Variants in CLCA1 observed in about 807,000 individuals in gnomAD.
CLCA1 encodes chloride channel accessory 1.
CLCA1 carries 59 observed loss-of-function variants against 85.6 expected under a neutral mutation model. The ratio of observed to expected loss-of-function variants is 0.69; its 90% CI spans 0.56 to 0.86. The LOEUF is 0.86. CLCA1 is among the 40% of genes least tolerant of loss of function. The pLI is 0.00. For synonymous variants in CLCA1, 396 were observed against 398.3 expected (o/e 0.99, Z 0.07); for missense variants, 1,022 against 1,101.4 (o/e 0.93, Z 1.02).
At chr1:86,476,278 T>A (rs1647633142) in intron 3 of CLCA1, among the ~76,000 whole-genome samples, 170 bp from the exon 4 acceptor site, 1 of 152,200 alleles carries the variant, frequency 6.6e-6, no homozygotes, top group South Asian at 2.1e-4. Flanking sequence ...AAAATAAGTA[T>A]TTATATTTTA....
rs1648074771 is a variant in CLCA1 at position 86,489,297 on chromosome 1, C to A, written c.1357+127C>A. 9 of 822,622 alleles carry A rather than the reference C, an allele frequency of 1.1e-5. No individual in the cohort carries two copies. The South Asian group carries it at 1.4e-4, about 13-fold the overall frequency. The allele number at this position is 822,622 out of a possible 1,614,324, so 51.0% of individuals were successfully genotyped here. A position where few individuals can be genotyped will look rare whatever the true frequency, so the allele number is the denominator to read the frequency against. ...GATAACCTAATTGGCTAACTAGCCA[C>A]CCTTACCCCTGAATGACTGTTTAAG... On this transcript the variant is annotated intron_variant, in intron 8 of 13. Transcript: ENST00000394711.
chr1:86,477,546 G>A (rs1487478727), intron 4 of CLCA1, among the ~76,000 whole-genome samples: 1 of 152,140 alleles, frequency 6.6e-6, no homozygotes, highest in Non-Finnish European at 1.5e-5. Flanking sequence ...TTATTTTAAA[G>A]AGTTAGTACA....
chr1:86,472,638 C>T (rs538398577), intron 1 of CLCA1, among the ~76,000 whole-genome samples: 12 of 152,234 alleles, frequency 7.9e-5, no homozygotes, highest in Non-Finnish European at 1.6e-4. Flanking sequence ...TATAATTTAA[C>T]GCTGCAGCTA....
intron 10 of CLCA1, 132 bp downstream of exon 10, chr1:86,493,731 G>GA (rs1371940946): frequency 2.3e-5 from 16 of 685,474 alleles, no homozygotes; most frequent in Non-Finnish European, 3.1e-5. Context: ...AGAGAACGAG[G>GA]AAAAAAAATC....
intron 9 of CLCA1, among the ~76,000 whole-genome samples, chr1:86,492,048 A>G (rs1460475850): frequency 7.9e-5 from 12 of 152,262 alleles, no homozygotes; most frequent in Admixed American, 7.8e-4. Flanking sequence ...TATTTTTTCA[A>G]TGCTCTTTTT....
rs1336456460 is a variant in CLCA1 at position 86,500,081 on chromosome 1, T to G, written c.*36T>G. The G allele has an allele frequency of 3.5e-6, 5 of 1,439,816 alleles. No individual in the cohort carries two copies. The highest frequency in any genetic ancestry group is 4.8e-6 in the Non-Finnish European group (5 of 1,052,536). 89.2% of individuals were successfully genotyped at this position (1,439,816 alleles called of 1,614,324 possible). Reference sequence around the variant, plus strand: ...TTGTCAGATAAATAAAATAAATCATTCATCCTTTTTTTTGATTATAAAATT... The same window carrying G: ...TTGTCAGATAAATAAAATAAATCATGCATCCTTTTTTTTGATTATAAAATT... On this transcript the variant is annotated 3_prime_UTR_variant, in exon 14 of 14. Coordinates refer to ENST00000394711, the MANE Select transcript of CLCA1 (RefSeq NM_001285.4).
intron 9 of CLCA1, among the ~76,000 whole-genome samples, chr1:86,491,796 C>T (rs1219149160): frequency 6.6e-6 from 1 of 152,156 alleles, no homozygotes; most frequent in African/African-American, 2.4e-5. Flanking sequence ...CCAAGATTTA[C>T]ATATAATGGA....
At chr1:86,482,037 A>G (rs1158327210) in intron 4 of CLCA1, among the ~76,000 whole-genome samples, 168 bp from the exon 5 acceptor site, 2 of 152,248 alleles carry the variant, frequency 1.3e-5, no homozygotes, top group African/African-American at 4.8e-5. Flanking sequence ...TCTGGCAAAC[A>G]GAAATGACTC....
rs187802263 is a variant in CLCA1 at position 86,497,150 on chromosome 1, T to A, written c.2114-1422T>A. On this transcript the variant is annotated intron_variant, in intron 12 of 13. Coordinates refer to ENST00000394711, the MANE Select transcript of CLCA1 (RefSeq NM_001285.4). The stretch of plus-strand genomic sequence containing the variant: ...TTTCATTCTTGTAAGTATCCCTTTT[T>A]AAAGATGGGGAAACAGAAGCTAGAG... 7.9e-5 allele frequency among the ~76,000 whole-genome samples: 12 copies of A among 152,342 alleles called. 1 individual carries two copies. In the East Asian group the frequency reaches 2.1e-3, roughly 27 times the overall value.
intron 7 of CLCA1, among the ~76,000 whole-genome samples, chr1:86,487,059 G>T (rs556392316): frequency 1.3e-5 from 2 of 152,310 alleles, no homozygotes; most frequent in African/African-American, 4.8e-5. Context: ...GGAATATGTA[G>T]TTTCCAGCTC....
At position 86,486,400 on chromosome 1, in the gene CLCA1, G is replaced by A. The variant is rs192444078; in HGVS notation, c.955-126G>A. Reference sequence around the variant, plus strand: ...TAAGAAATTTTTCCCCATAGGATATGCCTCAAGTAAGCTTATGGTCATTTG... The same window carrying A: ...TAAGAAATTTTTCCCCATAGGATATACCTCAAGTAAGCTTATGGTCATTTG... On this transcript the variant is annotated intron_variant, in intron 6 of 13. Coordinates refer to ENST00000394711, the MANE Select transcript of CLCA1 (RefSeq NM_001285.4). The A allele has an allele frequency of 1.5e-4, 112 of 763,710 alleles. No homozygotes were observed. In the Admixed American group the frequency reaches 3.0e-3, roughly 20 times the overall value. The allele number at this position is 763,710 out of a possible 1,614,324, so 47.3% of individuals were successfully genotyped here.
chr1:86,495,166 A>G (rs571835081), intron 11 of CLCA1, among the ~76,000 whole-genome samples: 1 of 152,228 alleles, frequency 6.6e-6, no homozygotes, highest in South Asian at 2.1e-4. Flanking sequence ...ATAATCATAC[A>G]ACATTTTTTT....
intron 1 of CLCA1, 133 bp from the exon 2 acceptor site, chr1:86,473,284 T>C: frequency 1.7e-6 from 1 of 590,986 alleles, no homozygotes; most frequent in Non-Finnish European, 2.9e-6. Context: ...TTAAAAGGTA[T>C]TTCTATATTT....
chr1:86,487,860 A>G (rs1648023389), intron 7 of CLCA1, among the ~76,000 whole-genome samples: 1 of 152,310 alleles, frequency 6.6e-6, no homozygotes, highest in African/African-American at 2.4e-5. Context: ...ATGTGGCAAC[A>G]TTTGCCTGTT....
chr1:86,484,891 G>C (rs989002993), intron 5 of CLCA1, among the ~76,000 whole-genome samples: 1 of 152,108 alleles, frequency 6.6e-6, no homozygotes. Flanking sequence ...AGTTTGAGGC[G>C]CATGTGAGAC....
chr1:86,499,642 T>C lies in CLCA1; in HGVS notation c.2354-12T>C, dbSNP rs1055504840. The C allele has an allele frequency of 2.0e-6, 3 of 1,506,974 alleles. No homozygotes were observed. Among genetic ancestry groups the C allele is most frequent in the Non-Finnish European group, 2.7e-6 (3 of 1,111,418 alleles). 93.4% of individuals were successfully genotyped at this position (1,506,974 alleles called of 1,614,324 possible). ...TCAGAATTAAAGTCACATTCTTCTTTTTTCTTTTTAGCTCACAAGTATATC... is the reference window on the plus strand; with the variant it reads ...TCAGAATTAAAGTCACATTCTTCTTCTTTCTTTTTAGCTCACAAGTATATC... On this transcript the variant is annotated splice_polypyrimidine_tract_variant and intron_variant, in intron 13 of 13. Transcript: ENST00000394711.
intron 3 of CLCA1, 122 bp downstream of exon 3, chr1:86,473,998 A>G (rs1369129683): frequency 1.6e-6 from 1 of 617,950 alleles, no homozygotes; most frequent in South Asian, 5.2e-5. Context: ...ATAAAACATC[A>G]TAGCATTTTT....
chr1:86,491,428 A>G, intron 9 of CLCA1, 57 bp downstream of exon 9: 1 of 1,187,638 alleles, frequency 8.4e-7, no homozygotes, highest in Non-Finnish European at 1.2e-6. Context: ...GCCAAGATGG[A>G]GAATTTAATG....
intron 6 of CLCA1, 138 bp downstream of exon 6, chr1:86,485,699 C>T: frequency 1.4e-6 from 1 of 736,920 alleles, no homozygotes; most frequent in South Asian, 1.8e-5. Context: ...TCAGAAATGC[C>T]CACTTCAACT....
Sources: allele counts gnomAD v4.1 joint callset (sites outside exome capture counted in the v4.1 genomes callset), GRCh38; gene constraint gnomAD v4.1.1; transcripts MANE v1.5; gene names NCBI Gene and HGNC (gene_info 2026-07-23, HGNC 2026-07-21).